The following CNTRL variants were observed in gnomAD, a reference collection of about 807,000 sequenced individuals.
The protein encoded by CNTRL is 110 kDa centrosomal protein.
CNTRL carries 233 observed loss-of-function variants against 303.7 expected under a neutral mutation model. That is an observed-to-expected ratio of 0.77 (90% confidence interval 0.69 to 0.86). The LOEUF (loss-of-function observed/expected upper bound fraction) is 0.86, where lower values mean the gene tolerates loss of function less well. Among genes scored for constraint, CNTRL ranks in the 40% least tolerant of loss-of-function variants. The probability of loss-of-function intolerance (pLI) is 0.00; values close to 1 mark genes in which losing one functional copy is unlikely to be tolerated. For missense variants in CNTRL, 2,524 were observed against 2,650.6 expected (o/e 0.95, Z 1.05); for synonymous variants, 900 against 922.2 (o/e 0.98, Z 0.44).
At chr9:121,165,463 A>G (rs2053050662) in intron 35 of CNTRL, among the ~76,000 whole-genome samples, 1 of 152,242 alleles carries the variant, frequency 6.6e-6, no homozygotes, top group Admixed American at 6.5e-5. Flanking sequence ...GGGTGTGTCT[A>G]GTTTGAAAAA....
chr9:121,135,980 C>G lies in CNTRL; in HGVS notation c.2200C>G (p.Gln734Glu), dbSNP rs765719776. The change falls in exon 15 of 44, where the codon CAG becomes GAG. Residue 734 changes from glutamine to glutamate, a missense_variant and splice_region_variant. Coordinates refer to ENST00000373855, the MANE Select transcript of CNTRL (RefSeq NM_007018.6). The part of the protein sequence containing the change: ...EELEKVTRLT[Q>E]LEQSALQAEL... ...GTTGGAAAAAGTAACAAGACTTACC[C>G]AGGTAAGTAGGAGCATGAAGCCAAC... The G allele has an allele frequency of 6.3e-6, 10 of 1,599,136 alleles. No individual in the cohort carries two copies. The East Asian group carries it at 1.6e-4, about 25-fold the overall frequency.
At chr9:121,081,056 C>T (rs2048119636) in intron 2 of CNTRL, among the ~76,000 whole-genome samples, 1 of 152,164 alleles carries the variant, frequency 6.6e-6, no homozygotes, top group Non-Finnish European at 1.5e-5. Context: ...TGAGGAAACT[C>T]AGCAACACCT....
chr9:121,123,738 A>G (rs1424300929), intron 12 of CNTRL, among the ~76,000 whole-genome samples, 193 bp from the exon 13 acceptor site: 6 of 152,238 alleles, frequency 3.9e-5, no homozygotes, highest in Non-Finnish European at 1.5e-5. Context: ...TAAAGTGGAA[A>G]TGATTTCCGT....
At position 121,146,257 on chromosome 9, in the gene CNTRL, G is replaced by A. The variant is rs761593617; in HGVS notation, c.3459+1G>A. 1 of 1,604,930 alleles carries A rather than the reference G, an allele frequency of 6.2e-7. No homozygotes were observed. The highest frequency in any genetic ancestry group is 8.5e-7 in the Non-Finnish European group (1 of 1,177,806). On this transcript the variant is annotated splice_donor_variant, in intron 23 of 43. Transcript: ENST00000373855. LOFTEE classifies it high-confidence loss of function. ...TATGCCACCACCACCATCATCAAAA[G>A]TAGGAATTCTGTGGTGTTGGGAATG...
chr9:121,134,162 A>T (rs762996818), intron 14 of CNTRL, among the ~76,000 whole-genome samples: 37 of 152,190 alleles, frequency 2.4e-4, no homozygotes, highest in Non-Finnish European at 4.9e-4. Flanking sequence ...CTCATTAGAA[A>T]GTTGTAGATA....
chr9:121,153,301 C>T (rs567882089), intron 26 of CNTRL, among the ~76,000 whole-genome samples: 2 of 152,316 alleles, frequency 1.3e-5, no homozygotes, highest in East Asian at 3.9e-4. Context: ...ATACACGACC[C>T]TTCTCCATCT....
rs780033409 is a variant in CNTRL, at chr9:121,152,680, C to T, written c.4159C>T (p.Arg1387Cys). The part of the protein sequence containing the change: ...VEELHRTVQK[R>C]QQQKDFIDGN... ...AGAATTACATAGAACTGTCCAGAAACGTCAACAGCAAAAGTAATTAATATA... is the reference window on the plus strand; with the variant it reads ...AGAATTACATAGAACTGTCCAGAAATGTCAACAGCAAAAGTAATTAATATA... Residue 1387 changes from arginine (R) to cysteine (C), a missense_variant, in exon 26 of 44, where the codon CGT becomes TGT. Physicochemically the swap from Arg to Cys is radical, Grantham distance 180. Coordinates refer to ENST00000373855, the MANE Select transcript of CNTRL (RefSeq NM_007018.6). 21 of 1,606,444 alleles carry T rather than the reference C, an allele frequency of 1.3e-5. No individual in the cohort carries two copies. The highest frequency in any genetic ancestry group is 6.7e-5 in the South Asian group (6 of 90,162).
In CNTRL at chr9:121,096,412, T is replaced by C; in HGVS notation, c.480-10T>C. 6.7e-7 allele frequency: 1 copy of C among 1,503,724 alleles called. No homozygotes were observed. Among genetic ancestry groups the C allele is most frequent in the Non-Finnish European group, 8.9e-7 (1 of 1,120,734 alleles). 93.1% of individuals were successfully genotyped at this position (1,503,724 alleles called of 1,614,324 possible). A position where few individuals can be genotyped will look rare whatever the true frequency, so the allele number is the denominator to read the frequency against. On this transcript the variant is annotated splice_polypyrimidine_tract_variant and intron_variant, in intron 5 of 43. Transcript: ENST00000373855. ...ACTCACTAAATTTTATTTTATCCTT[T>C]GCTTTCCAGCAAAATTGAAGGCATA...
chr9:121,134,592 G>T (rs949926712), intron 14 of CNTRL, among the ~76,000 whole-genome samples: 1 of 152,148 alleles, frequency 6.6e-6, no homozygotes, highest in African/African-American at 2.4e-5. Context: ...ACTGTACCCG[G>T]CCCTAAGGTC....
At chr9:121,112,002 T>C (rs1364342309) in intron 8 of CNTRL, among the ~76,000 whole-genome samples, 1 of 152,162 alleles carries the variant, frequency 6.6e-6, no homozygotes, top group Non-Finnish European at 1.5e-5. Context: ...TTCATCCTTC[T>C]CATTCCTCTT....
chr9:121,145,015 A>C, intron 21 of CNTRL, 56 bp downstream of exon 21: 1 of 1,441,496 alleles, frequency 6.9e-7, no homozygotes, highest in Non-Finnish European at 9.7e-7. Context: ...AGTTCCTAAA[A>C]GACAAAATTA....
At chr9:121,125,999 A>C in intron 14 of CNTRL, 63 bp downstream of exon 14, 1 of 1,344,692 alleles carries the variant, frequency 7.4e-7, no homozygotes, top group Non-Finnish European at 1.1e-6. Flanking sequence ...AAATTAAGTT[A>C]GTTGGAGGAG....
intron 14 of CNTRL, among the ~76,000 whole-genome samples, chr9:121,127,387 A>C (rs1003959063): frequency 3.3e-5 from 5 of 152,084 alleles, no homozygotes; most frequent in African/African-American, 4.8e-5. Context: ...AGTTCAGTAG[A>C]TATTGTCAAA....
chr9:121,110,462 A>G (rs2049696886), intron 8 of CNTRL, among the ~76,000 whole-genome samples: 1 of 152,106 alleles, frequency 6.6e-6, no homozygotes. Flanking sequence ...AGCAACTTGT[A>G]TTATTACAGT....
chr9:121,138,764 T>C (rs1011935252), intron 16 of CNTRL, 85 bp downstream of exon 16: 181 of 1,404,956 alleles, frequency 1.3e-4, no homozygotes, highest in Non-Finnish European at 1.7e-4. Context: ...AGCAACCTGC[T>C]CTAACATGTA....
rs1209068280 is a variant in CNTRL at position 121,162,460 on chromosome 9, A to AT, written c.5423+196dup. 6.0e-5 allele frequency: 36 copies of AT among 603,098 alleles called. No individual in the cohort carries two copies. In the East Asian group the frequency reaches 9.2e-4, roughly 15 times the overall value. The allele number at this position is 603,098 out of a possible 1,614,324, so 37.4% of individuals were successfully genotyped here. On this transcript the variant is annotated intron_variant, in intron 34 of 43. Coordinates refer to ENST00000373855, the MANE Select transcript of CNTRL (RefSeq NM_007018.6). Reference sequence around the variant, plus strand: ...GCTTTTTTTTTTTTTGCTCAAAAGCATTTTTTTAAAATCTATTTTGTTTTT... The same window carrying AT: ...GCTTTTTTTTTTTTTGCTCAAAAGCATTTTTTTTAAAATCTATTTTGTTTTT...
chr9:121,159,537 T>C (rs1049589555), intron 31 of CNTRL, among the ~76,000 whole-genome samples: 7 of 152,094 alleles, frequency 4.6e-5, no homozygotes, highest in African/African-American at 1.7e-4. Flanking sequence ...GAGACTGAGA[T>C]AGGAGAATTG....
At chr9:121,148,576 C>T (rs2052017170) in intron 23 of CNTRL, 96 bp from the exon 24 acceptor site, 1 of 1,145,086 alleles carries the variant, frequency 8.7e-7, no homozygotes, top group Non-Finnish European at 1.2e-6. Context: ...CTTTCTCAAC[C>T]TTGCTACATC....
At chr9:121,173,194 TAA>T (rs760341667) in intron 40 of CNTRL, 47 bp from the exon 41 acceptor site, 2 of 1,525,762 alleles carry the variant, frequency 1.3e-6, no homozygotes, top group Non-Finnish European at 8.9e-7. Context: ...CAATTCCAAG[TAA>T]GTCTGAAATT....
Sources: allele counts gnomAD v4.1 joint callset (sites outside exome capture counted in the v4.1 genomes callset), GRCh38; gene constraint gnomAD v4.1.1; transcripts MANE v1.5; gene names NCBI Gene and HGNC (gene_info 2026-07-23, HGNC 2026-07-21).